TMEFF2: variants seen among roughly 807,000 people sequenced by gnomAD.
The protein encoded by TMEFF2 is transmembrane protein with EGF like and two follistatin like domains 2.
TMEFF2 carries 28 observed loss-of-function variants against 53.8 expected under a neutral mutation model. The ratio of observed to expected loss-of-function variants is 0.52; its 90% CI spans 0.39 to 0.71. The LOEUF (loss-of-function observed/expected upper bound fraction) is 0.71, where lower values mean the gene tolerates loss of function less well. Ranked by LOEUF, TMEFF2 falls within the 30% of genes least tolerant of loss-of-function variation. The pLI is 0.00. For missense variants in TMEFF2, 353 were observed against 455.2 expected, an observed-to-expected ratio of 0.78 and a Z score of 2.04; for synonymous variants, 162 against 166.3, an observed-to-expected ratio of 0.97 and a Z score of 0.20.
intron 7 of TMEFF2, among the ~76,000 whole-genome samples, chr2:191,961,702 T>G (rs551635821): frequency 6.6e-6 from 1 of 152,170 alleles, no homozygotes; most frequent in Admixed American, 6.5e-5. Flanking sequence ...TATACAGTTC[T>G]TATGATTTCC....
intron 4 of TMEFF2, among the ~76,000 whole-genome samples, chr2:192,160,969 C>A (rs537794989): frequency 7.4e-4 from 112 of 152,192 alleles, no homozygotes; most frequent in African/African-American, 2.6e-3. Flanking sequence ...CTCTGCCACG[C>A]TAAAGGCTTA....
intron 5 of TMEFF2, among the ~76,000 whole-genome samples, chr2:192,050,612 T>C (rs575587330): frequency 2.6e-5 from 4 of 152,250 alleles, no homozygotes; most frequent in Non-Finnish European, 4.4e-5. Context: ...AGTTTGCAGG[T>C]TGGATTACCG....
chr2:192,000,900 C>T (rs1686342446), intron 5 of TMEFF2, among the ~76,000 whole-genome samples: 1 of 152,150 alleles, frequency 6.6e-6, no homozygotes, highest in South Asian at 2.1e-4. Context: ...GGTGTTCCTA[C>T]CTTAGCTTTG....
intron 4 of TMEFF2, among the ~76,000 whole-genome samples, chr2:192,112,101 T>G (rs1474795140): frequency 1.3e-5 from 2 of 152,110 alleles, no homozygotes; most frequent in African/African-American, 4.8e-5. Flanking sequence ...CACACAGAGT[T>G]CTCACTGGGG....
chr2:192,177,844 T>C (rs1691083460), intron 4 of TMEFF2: 1 of 151,072 alleles, frequency 6.6e-6, no homozygotes, highest in African/African-American at 2.4e-5. Context: ...AAGATTTTAA[T>C]ATAAAACGCA....
Position 192,057,662 on chromosome 2 carries a change from T to G in TMEFF2, c.536+17A>C. 1 of 1,605,866 alleles carries G rather than the reference T, an allele frequency of 6.2e-7. No homozygotes were observed. The highest frequency in any genetic ancestry group is 8.5e-7 in the Non-Finnish European group (1 of 1,172,620). On this transcript the variant is annotated intron_variant, in intron 5 of 9. Coordinates refer to ENST00000272771, the MANE Select transcript of TMEFF2 (RefSeq NM_016192.4). ...ACTGTCATTATTTTGTCTAAAAGAA[T>G]AAAAACAGCATATTACCAGACATCC... is the stretch of plus-strand genomic sequence containing the variant.
rs779160484 is a variant in TMEFF2 at position 192,194,508 on chromosome 2, G to T, written c.17C>A (p.Ser6Tyr). MVLWE[S>Y]PRQCSSWTLC... ...TGTCCAGCTGCTGCACTGCCGCGGG[G>T]ACTCCCACAGCACCATGACTAGTTC... Residue 6 changes from serine to tyrosine, a missense_variant, in exon 1 of 10, where the codon TCC (serine) becomes TAC (tyrosine). Physicochemically the swap from Ser to Tyr is moderately radical, Grantham distance 144. Transcript: ENST00000272771. The surrounding 1 kb of genome is among the most constrained non-coding windows in gnomAD (Gnocchi z 4.2). 6.2e-7 allele frequency: 1 copy of T among 1,613,536 alleles called. No individual in the cohort carries two copies. The highest frequency in any genetic ancestry group is 8.5e-7 in the Non-Finnish European group (1 of 1,180,002).
intron 7 of TMEFF2, among the ~76,000 whole-genome samples, chr2:191,960,103 C>T (rs1433437394): frequency 6.6e-6 from 1 of 151,990 alleles, no homozygotes; most frequent in Admixed American, 6.6e-5. Context: ...GAACTCCTGG[C>T]CTCAAGTGAT....
In TMEFF2 at chr2:192,141,439, T is replaced by G. The variant is rs1323216690; in HGVS notation, c.439+38229A>C. 3.2e-5 allele frequency among the ~76,000 whole-genome samples: 4 copies of G among 126,340 alleles called. No homozygotes were observed. In the Admixed American group the frequency reaches 4.0e-4, roughly 13 times the overall value. 82.9% of individuals were successfully genotyped at this position (126,340 alleles called of 152,430 possible). On this transcript the variant is annotated intron_variant, in intron 4 of 9. Coordinates refer to ENST00000272771, the MANE Select transcript of TMEFF2 (RefSeq NM_016192.4). ...CTGCACTCCAGGCTGGGCGACAGAGTGAGACTCCGTCTCAAAAAAGAAAAA... is the reference window on the plus strand; with the variant it reads ...CTGCACTCCAGGCTGGGCGACAGAGGGAGACTCCGTCTCAAAAAAGAAAAA...
chr2:192,188,990 T>C (rs925978067), intron 2 of TMEFF2, among the ~76,000 whole-genome samples: 2 of 152,172 alleles, frequency 1.3e-5, no homozygotes, highest in East Asian at 3.8e-4. Context: ...TTTACATATG[T>C]AATAAACCTT....
chr2:192,118,098 A>G (rs959082221), intron 4 of TMEFF2, among the ~76,000 whole-genome samples: 3 of 151,960 alleles, frequency 2.0e-5, no homozygotes, highest in Admixed American at 6.6e-5. Context: ...AATCTACTTG[A>G]GAGACATTTG....
At chr2:192,134,618 G>A (rs1249646468) in intron 4 of TMEFF2, among the ~76,000 whole-genome samples, 2 of 152,018 alleles carry the variant, frequency 1.3e-5, no homozygotes, top group Non-Finnish European at 2.9e-5. Context: ...CTTCAAGCTC[G>A]AAGCTTTGCC....
chr2:192,188,540 C>T (rs1341786649), intron 2 of TMEFF2, among the ~76,000 whole-genome samples: 1 of 152,198 alleles, frequency 6.6e-6, no homozygotes, highest in Non-Finnish European at 1.5e-5. Flanking sequence ...ATGGCAGATT[C>T]ATCAACAAAA....
At chr2:192,147,255 G>A (rs750956346) in intron 4 of TMEFF2, among the ~76,000 whole-genome samples, 15 of 152,116 alleles carry the variant, frequency 9.9e-5, no homozygotes, top group Non-Finnish European at 1.9e-4. Context: ...TAGACACAGT[G>A]AGCTAGAAGT....
intron 5 of TMEFF2, among the ~76,000 whole-genome samples, chr2:192,000,576 ATTC>A (rs2105837676): frequency 6.6e-6 from 1 of 152,264 alleles, no homozygotes; most frequent in East Asian, 1.9e-4. Context: ...AACATTCTAT[ATTC>A]TTAAGTAGTC....
At chr2:192,047,821 C>T (rs1201773991) in intron 5 of TMEFF2, among the ~76,000 whole-genome samples, 2 of 152,106 alleles carry the variant, frequency 1.3e-5, no homozygotes, top group African/African-American at 4.8e-5. Context: ...CTGGAACAGA[C>T]TGATGTTGGC....
chr2:191,982,695 T>C (rs1377970656), intron 7 of TMEFF2, among the ~76,000 whole-genome samples: 1 of 152,186 alleles, frequency 6.6e-6, no homozygotes, highest in African/African-American at 2.4e-5. Context: ...CTTGAGTTTC[T>C]CATGCTACAT....
intron 4 of TMEFF2, among the ~76,000 whole-genome samples, chr2:192,075,314 T>TATATATATATAAATATAA (rs1688400731): frequency 1.3e-5 from 1 of 79,872 alleles, no homozygotes; most frequent in East Asian, 2.7e-4. Flanking sequence ...TATATATATA[T>TATATATATATAAATATAA]ATATATATAT....
chr2:192,047,106 A>G (rs1687641948), intron 5 of TMEFF2, among the ~76,000 whole-genome samples: 1 of 151,930 alleles, frequency 6.6e-6, no homozygotes. Context: ...ATTTTAGTTG[A>G]GACAAGGTTT....
Sources: gnomAD v4.1 joint callset for allele counts (sites outside exome capture counted in the v4.1 genomes callset) on GRCh38, gnomAD v4.1.1 for gene constraint, Gnocchi (gnomAD v3.1) non-coding constraint, MANE v1.5 for transcripts, NCBI Gene and HGNC (gene_info 2026-07-23, HGNC 2026-07-21) for gene names.